CACNA1D: variants seen among roughly 807,000 people sequenced by gnomAD.
CACNA1D encodes voltage-dependent L-type calcium channel subunit alpha-1D.
In CACNA1D, 55 loss-of-function variants were observed where a neutral mutation model predicts 257.1. The observed-to-expected ratio is 0.21, with a 90% CI of 0.17 to 0.27. The LOEUF is 0.27. CACNA1D is among the 10% of genes least tolerant of loss of function. The pLI is 1.00. For synonymous variants in CACNA1D, 980 were observed against 1,014.9 expected, an observed-to-expected ratio of 0.97 and a Z score of 0.65; for missense variants, 1,876 against 2,784.0, an observed-to-expected ratio of 0.67 and a Z score of 7.34.
chr3:53,781,970 C>T, intron 39 of CACNA1D: 1 of 341,254 alleles, frequency 2.9e-6, no homozygotes, highest in Non-Finnish European at 5.4e-6. Flanking sequence ...AGTGAAAAGC[C>T]TATATTTTTT....
At position 53,495,097 on chromosome 3, in the gene CACNA1D, C is replaced by G. The variant is rs568186948; in HGVS notation, c.-70C>G. On this transcript the variant is annotated 5_prime_UTR_variant, in exon 1 of 48. Transcript: ENST00000350061. The surrounding 1 kb of genome is among the most constrained non-coding windows in gnomAD (Gnocchi z 5.1). ...TCCTACCTCTTGGTGATCCCCTTCC[C>G]CATTCCGCCCCCGCCTCAACGCCCA... 4.4e-5 allele frequency: 54 copies of G among 1,232,544 alleles called. No individual in the cohort carries two copies. The South Asian group carries it at 5.8e-4, about 13-fold the overall frequency. 76.4% of individuals were successfully genotyped at this position (1,232,544 alleles called of 1,614,324 possible). A position where few individuals can be genotyped will look rare whatever the true frequency, so the allele number is the denominator to read the frequency against.
At chr3:53,657,572 CA>C (rs939552841) in intron 4 of CACNA1D, among the ~76,000 whole-genome samples, 10 of 151,032 alleles carry the variant, frequency 6.6e-5, no homozygotes, top group East Asian at 3.9e-4. Context: ...ATTTAAAATG[CA>C]AAAAAAAGGA....
intron 3 of CACNA1D, among the ~76,000 whole-genome samples, chr3:53,640,996 G>GAAA (rs371506450): frequency 2.2e-5 from 2 of 91,306 alleles, no homozygotes; most frequent in African/African-American, 1.1e-4. Flanking sequence ...CTTAAAGGGT[G>GAAA]AAGCAGGATT....
At chr3:53,749,658 A>T (rs755799957) in intron 27 of CACNA1D, among the ~76,000 whole-genome samples, 189 bp downstream of exon 27, 1 of 152,238 alleles carries the variant, frequency 6.6e-6, no homozygotes, top group Non-Finnish European at 1.5e-5. Flanking sequence ...TTCCCGATAC[A>T]TATGAGACTT....
chr3:53,608,939 T>G (rs981408707), intron 3 of CACNA1D, among the ~76,000 whole-genome samples: 3 of 152,236 alleles, frequency 2.0e-5, no homozygotes, highest in Non-Finnish European at 4.4e-5. Flanking sequence ...GTTTATAGTT[T>G]TCTTTCTTTA....
chr3:53,648,517 A>C (rs1559465156), intron 3 of CACNA1D, among the ~76,000 whole-genome samples: 1 of 151,998 alleles, frequency 6.6e-6, no homozygotes, highest in Non-Finnish European at 1.5e-5. Flanking sequence ...CAGTGGCCTG[A>C]GTGTGTGATC....
At chr3:53,645,094 G>T (rs1235903997) in intron 3 of CACNA1D, among the ~76,000 whole-genome samples, 3 of 152,146 alleles carry the variant, frequency 2.0e-5, no homozygotes, top group South Asian at 4.1e-4. Context: ...ACTTTTTCAT[G>T]TATCTTTTGG....
intron 5 of CACNA1D, among the ~76,000 whole-genome samples, chr3:53,664,409 C>A (rs991057235): frequency 2.0e-5 from 3 of 152,206 alleles, no homozygotes; most frequent in Non-Finnish European, 4.4e-5. Flanking sequence ...GTGTGTCTGG[C>A]CTGCTGCTGT....
chr3:53,680,932 T>C (rs1234392660), intron 8 of CACNA1D, among the ~76,000 whole-genome samples: 1 of 152,180 alleles, frequency 6.6e-6, no homozygotes, highest in Non-Finnish European at 1.5e-5. Flanking sequence ...AGATCTATAG[T>C]GTAGGGAACT....
intron 22 of CACNA1D, among the ~76,000 whole-genome samples, chr3:53,743,571 A>G (rs1354045072): frequency 6.6e-6 from 1 of 152,152 alleles, no homozygotes; most frequent in Non-Finnish European, 1.5e-5. Context: ...ACCTGCTAGG[A>G]CTTTTTCTTT....
chr3:53,557,746 C>G (rs1387734506), intron 3 of CACNA1D, among the ~76,000 whole-genome samples: 1 of 152,190 alleles, frequency 6.6e-6, no homozygotes, highest in East Asian at 1.9e-4. Context: ...CAGCACTATA[C>G]TGTTTTGATT....
intron 3 of CACNA1D, among the ~76,000 whole-genome samples, chr3:53,643,778 C>T (rs1312429750): frequency 3.3e-5 from 5 of 152,234 alleles, no homozygotes; most frequent in African/African-American, 1.2e-4. Context: ...CCCTTCCCTT[C>T]CCACCTGTCC....
At chr3:53,633,776 C>G (rs1006710219) in intron 3 of CACNA1D, among the ~76,000 whole-genome samples, 5 of 152,230 alleles carry the variant, frequency 3.3e-5, no homozygotes, top group Admixed American at 1.3e-4. Context: ...CCTGATATGT[C>G]TGGGTTGTAA....
chr3:53,673,425 A>G lies in CACNA1D; in HGVS notation c.1220+299A>G, dbSNP rs1399454082. Among the ~76,000 whole-genome samples, 3 of 152,174 alleles carry G rather than the reference A, an allele frequency of 2.0e-5. No homozygotes were observed. Among genetic ancestry groups the G allele is most frequent in the Non-Finnish European group, 4.4e-5 (3 of 68,026 alleles). On this transcript the variant is annotated intron_variant, in intron 8 of 47. Coordinates refer to ENST00000350061, the MANE Select transcript of CACNA1D (RefSeq NM_001128840.3). The surrounding 1 kb of genome is among the most constrained non-coding windows in gnomAD (Gnocchi z 4.1). ...GTCTGTTCTAAAGTGAGATACATTT[A>G]TAATTGCTTTATTTGTCTGGATCCA...
At chr3:53,794,275 T>C (rs993791079) in intron 40 of CACNA1D, among the ~76,000 whole-genome samples, 7 of 152,234 alleles carry the variant, frequency 4.6e-5, no homozygotes, top group African/African-American at 7.2e-5. Flanking sequence ...CATGATTAGA[T>C]GATCTGTGCG....
chr3:53,633,477 T>C (rs914430522), intron 3 of CACNA1D, among the ~76,000 whole-genome samples: 3 of 140,728 alleles, frequency 2.1e-5, no homozygotes, highest in African/African-American at 8.0e-5. Flanking sequence ...AAGGCTGAGT[T>C]AGAGAAGAGC....
At chr3:53,582,567 G>A (rs541237398) in intron 3 of CACNA1D, among the ~76,000 whole-genome samples, 5 of 152,054 alleles carry the variant, frequency 3.3e-5, no homozygotes, top group Non-Finnish European at 7.4e-5. Context: ...AAGCATTCCT[G>A]GCAGAGCAAC....
chr3:53,664,334 G>A (rs1280181188), intron 5 of CACNA1D, among the ~76,000 whole-genome samples: 1 of 152,098 alleles, frequency 6.6e-6, no homozygotes, highest in Non-Finnish European at 1.5e-5. Context: ...TGACTCAGTT[G>A]CTGAGTTCTG....
intron 3 of CACNA1D, among the ~76,000 whole-genome samples, chr3:53,598,300 G>A (rs997694491): frequency 1.3e-5 from 2 of 152,050 alleles, no homozygotes; most frequent in Non-Finnish European, 2.9e-5. Flanking sequence ...TTCTGGCTGG[G>A]CATGGTGGCT....
Sources: allele counts gnomAD v4.1 joint callset (sites outside exome capture counted in the v4.1 genomes callset), GRCh38; gene constraint gnomAD v4.1.1; non-coding constraint Gnocchi (gnomAD v3.1); transcripts MANE v1.5; gene names NCBI Gene and HGNC (gene_info 2026-07-23, HGNC 2026-07-21).